NRG3: variants seen among roughly 807,000 people sequenced by gnomAD.
The protein encoded by NRG3 is neuregulin 3, also known as pro-neuregulin-3, membrane-bound isoform.
A neutral mutation model predicts 66.9 loss-of-function variants in NRG3; 31 were observed. That is an observed-to-expected ratio of 0.46 (90% CI 0.35 to 0.63). The LOEUF (loss-of-function observed/expected upper bound fraction) is 0.63, where lower values mean the gene tolerates loss of function less well. NRG3 is among the 20% of genes least tolerant of loss of function. The pLI, the probability that NRG3 is intolerant of heterozygous loss-of-function variation, is 0.00. For synonymous variants in NRG3, 393 were observed against 359.4 expected (o/e 1.09, Z -1.06); for missense variants, 910 against 878.9 (o/e 1.04, Z -0.45).
chr10:82,874,291 G>C (rs982675696), intron 4 of NRG3, among the ~76,000 whole-genome samples: 3 of 152,178 alleles, frequency 2.0e-5, no homozygotes, highest in Non-Finnish European at 4.4e-5. Context: ...TATTGTAAAT[G>C]ACTTGGTGTT....
intron 2 of NRG3, among the ~76,000 whole-genome samples, chr10:82,545,532 C>A (rs931698231): frequency 3.3e-5 from 5 of 151,754 alleles, no homozygotes; most frequent in Non-Finnish European, 5.9e-5. Flanking sequence ...GCACCCGCCA[C>A]CACGCCTGGC....
intron 1 of NRG3, among the ~76,000 whole-genome samples, chr10:82,021,558 G>A (rs1490304640): frequency 1.3e-5 from 2 of 152,048 alleles, no homozygotes; most frequent in Admixed American, 6.6e-5. Context: ...ATGCACCTCA[G>A]TAGTCTCAGT....
At chr10:82,359,410 G>T (rs1488857966) in intron 2 of NRG3, among the ~76,000 whole-genome samples, 1 of 152,308 alleles carries the variant, frequency 6.6e-6, no homozygotes, top group African/African-American at 2.4e-5. Flanking sequence ...TCTCCAGCAA[G>T]AAGTTGTAAA....
At chr10:82,825,904 G>A (rs2062183370) in intron 3 of NRG3, among the ~76,000 whole-genome samples, 1 of 152,044 alleles carries the variant, frequency 6.6e-6, no homozygotes, top group African/African-American at 2.4e-5. Context: ...AAGATGGAGT[G>A]GATTTCTGCT....
At chr10:82,319,667 T>C (rs1420674290) in intron 1 of NRG3, among the ~76,000 whole-genome samples, 1 of 152,180 alleles carries the variant, frequency 6.6e-6, no homozygotes, top group African/African-American at 2.4e-5. Flanking sequence ...GGCAAACCTC[T>C]GCCAGCACCC....
chr10:82,716,040 G>A (rs1365721517), intron 2 of NRG3, among the ~76,000 whole-genome samples: 2 of 152,090 alleles, frequency 1.3e-5, no homozygotes, highest in East Asian at 3.9e-4. Flanking sequence ...GAAAAATAGA[G>A]TTTCAACATA....
chr10:82,173,591 C>T (rs1002770216), intron 1 of NRG3, among the ~76,000 whole-genome samples: 1 of 151,424 alleles, frequency 6.6e-6, no homozygotes, highest in Non-Finnish European at 1.5e-5. Context: ...TACAGGTGAG[C>T]AAGCAAGATG....
intron 4 of NRG3, among the ~76,000 whole-genome samples, chr10:82,885,491 A>G (rs1294937513): frequency 6.6e-6 from 1 of 152,192 alleles, no homozygotes; most frequent in Admixed American, 6.5e-5. Context: ...ACAAGTTGCA[A>G]TTTCTGCCAG....
intron 4 of NRG3, among the ~76,000 whole-genome samples, chr10:82,942,779 T>A (rs993504114): frequency 2.0e-5 from 3 of 152,112 alleles, no homozygotes; most frequent in Non-Finnish European, 4.4e-5. Context: ...ATCCATTGTC[T>A]TTACCAAGAA....
intron 4 of NRG3, among the ~76,000 whole-genome samples, chr10:82,948,305 C>G (rs1349976463): frequency 6.6e-6 from 1 of 152,028 alleles, no homozygotes; most frequent in Non-Finnish European, 1.5e-5. Flanking sequence ...ATACCATATG[C>G]CTTGATTACT....
At chr10:82,414,948 C>T (rs2088425483) in intron 2 of NRG3, among the ~76,000 whole-genome samples, 1 of 152,158 alleles carries the variant, frequency 6.6e-6, no homozygotes, top group Admixed American at 6.6e-5. Context: ...GAGGCTCACT[C>T]ATCACCCATT....
At chr10:82,716,743 T>A (rs778874381) in intron 2 of NRG3, among the ~76,000 whole-genome samples, 1 of 152,134 alleles carries the variant, frequency 6.6e-6, no homozygotes, top group Non-Finnish European at 1.5e-5. Context: ...TCTAATAACA[T>A]CATAGGAAGC....
intron 2 of NRG3, among the ~76,000 whole-genome samples, chr10:82,414,936 A>G (rs2088424777): frequency 6.6e-6 from 1 of 152,184 alleles, no homozygotes; most frequent in East Asian, 1.9e-4. Flanking sequence ...AACTGATCGG[A>G]TGAGGCTCAC....
chr10:82,461,983 T>C (rs958725754), intron 2 of NRG3, among the ~76,000 whole-genome samples: 1 of 151,832 alleles, frequency 6.6e-6, no homozygotes, highest in Non-Finnish European at 1.5e-5. Flanking sequence ...ATACAAAAAT[T>C]AGCCAGACAT....
chr10:81,987,285 T>C (rs1234886979), intron 1 of NRG3, among the ~76,000 whole-genome samples: 2 of 152,094 alleles, frequency 1.3e-5, no homozygotes, highest in Admixed American at 6.6e-5. Context: ...TGGTTTCGCC[T>C]TGTTGGCCAG....
chr10:82,906,753 A>G (rs1188531943), intron 4 of NRG3, among the ~76,000 whole-genome samples: 1 of 151,972 alleles, frequency 6.6e-6, no homozygotes, highest in Non-Finnish European at 1.5e-5. Flanking sequence ...TTTTTTTTTC[A>G]TCATTCTTAA....
At chr10:82,608,310 A>G (rs187622803) in intron 2 of NRG3, among the ~76,000 whole-genome samples, 61 of 152,210 alleles carry the variant, frequency 4.0e-4, no homozygotes, top group African/African-American at 1.4e-3. Context: ...CTTTTTATGT[A>G]AGGTGTATCT....
At chr10:81,883,613 A>G (rs960387957) in intron 1 of NRG3, among the ~76,000 whole-genome samples, 2 of 152,178 alleles carry the variant, frequency 1.3e-5, no homozygotes, top group Non-Finnish European at 2.9e-5. Context: ...CCATGCAACT[A>G]CTTTAGCATT....
At chr10:82,907,099 CTT>C (rs1249138576) in intron 4 of NRG3, among the ~76,000 whole-genome samples, 2 of 152,116 alleles carry the variant, frequency 1.3e-5, no homozygotes, top group African/African-American at 4.8e-5. Context: ...AGAAAATGTT[CTT>C]TATCCCATCG....
Sources: allele counts gnomAD v4.1 joint callset (sites outside exome capture counted in the v4.1 genomes callset), GRCh38; gene constraint gnomAD v4.1.1; transcripts MANE v1.5; gene names NCBI Gene and HGNC (gene_info 2026-07-23, HGNC 2026-07-21).